Variants in TTC23L observed in about 807,000 individuals in gnomAD.
TTC23L encodes the protein tetratricopeptide repeat domain 23 like, also known as tetratricopeptide repeat protein 23-like.
Under a neutral mutation model 48.1 loss-of-function variants are expected in TTC23L, and 42 were observed. The ratio of observed to expected loss-of-function variants is 0.87; its 90% confidence interval spans 0.68 to 1.13. The LOEUF (loss-of-function observed/expected upper bound fraction) is 1.13. Ranked by LOEUF, TTC23L falls within the 50% of genes most tolerant of loss-of-function variation. The pLI is 0.00. For synonymous variants in TTC23L, 159 were observed against 157.2 expected, an observed-to-expected ratio of 1.01 and a Z score of -0.09; for missense variants, 391 against 421.0, an observed-to-expected ratio of 0.93 and a Z score of 0.62.
At chr5:34,868,363 T>A (rs1761211778) in intron 7 of TTC23L, 1 of 153,262 alleles carries the variant, frequency 6.5e-6, no homozygotes, top group Non-Finnish European at 1.5e-5. Flanking sequence ...GTGGACTCAA[T>A]GTTTTTCTCT....
At chr5:34,906,136 G>A in the TTC23L span, 1 of 151,788 alleles carries the variant, frequency 6.6e-6, no homozygotes, top group Non-Finnish European at 1.5e-5. Flanking sequence ...TGTATTTTTA[G>A]TAGAGGTAGG....
chr5:34,868,735 AC>A, intron 7 of TTC23L, 169 bp from the exon 8 acceptor site: 1 of 600,810 alleles, frequency 1.7e-6, no homozygotes, highest in South Asian at 1.8e-5. Context: ...TCCTTCCCAA[AC>A]CCTAATCAGT....
chr5:34,920,112 A>G, the TTC23L span: 2 of 338,460 alleles, frequency 5.9e-6, no homozygotes, highest in Non-Finnish European at 1.1e-5. Flanking sequence ...CCTCAGGAGA[A>G]GGATTATGTC....
At chr5:34,880,696 T>C in intron 9 of TTC23L, 4 of 383,344 alleles carry the variant, frequency 1.0e-5, no homozygotes, top group Non-Finnish European at 2.0e-5. Context: ...TGTAGTGCAG[T>C]GGGGCGATCT....
chr5:34,840,587 A>G, intron 1 of TTC23L, 78 bp from the exon 2 acceptor site: 1 of 1,266,374 alleles, frequency 7.9e-7, no homozygotes, highest in Non-Finnish European at 1.2e-6. Context: ...GTTTAATGTT[A>G]ATAGCAAACC....
At chr5:34,914,490 AT>A in the TTC23L span, 1 of 585,530 alleles carries the variant, frequency 1.7e-6, no homozygotes, top group Non-Finnish European at 3.0e-6. Context: ...TGGGAAAAGA[AT>A]TTGTTACCGG....
At chr5:34,908,809 A>G in the TTC23L span, 1 of 1,611,476 alleles carries the variant, frequency 6.2e-7, no homozygotes, top group Admixed American at 1.7e-5. Context: ...CAGCAGTAAT[A>G]TTCCACAAAA....
chr5:34,890,960 T>A lies in TTC23L; in HGVS notation c.1078-5810T>A, dbSNP rs529573639. 5.6e-4 allele frequency among the ~76,000 whole-genome samples: 86 copies of A among 152,314 alleles called. 1 individual carries two copies. The highest frequency in any genetic ancestry group is 8.8e-4 in the Non-Finnish European group (60 of 68,034). ...AGCTCTCTGACCTAGGTGAAGTGAC[T>A]TAACTCCCTCAGCCTCTGTTTATTC... On this transcript the variant is annotated intron_variant, in intron 9 of 10. Coordinates refer to ENST00000505624, the Ensembl canonical transcript of TTC23L.
chr5:34,842,256 T>G (rs539679822), intron 2 of TTC23L, among the ~76,000 whole-genome samples: 1 of 152,344 alleles, frequency 6.6e-6, no homozygotes, highest in African/African-American at 2.4e-5. Context: ...ATACAGCACA[T>G]ATTTTACATT....
At chr5:34,859,814 T>TTTTTC (rs371028175) in intron 4 of TTC23L, among the ~76,000 whole-genome samples, 2 of 150,764 alleles carry the variant, frequency 1.3e-5, no homozygotes, top group African/African-American at 4.9e-5. Context: ...GTTTTTCTTT[T>TTTTTC]TTTTCTTTTC....
At chr5:34,846,864 A>G (rs1759243827) in intron 3 of TTC23L, among the ~76,000 whole-genome samples, 1 of 152,022 alleles carries the variant, frequency 6.6e-6, no homozygotes, top group South Asian at 2.1e-4. Context: ...ATCATAAACA[A>G]ACCAAAGGGC....
At chr5:34,901,479 A>G (rs896773862), downstream of TTC23L, among the ~76,000 whole-genome samples, 1 of 152,132 alleles carries the variant, frequency 6.6e-6, no homozygotes, top group Non-Finnish European at 1.5e-5. Context: ...GAAACTGGGG[A>G]CGGCCGGGCA....
At chr5:34,839,897 A>C (rs367626038) in intron 1 of TTC23L, among the ~76,000 whole-genome samples, 51 of 152,236 alleles carry the variant, frequency 3.4e-4, no homozygotes, top group African/African-American at 1.2e-3. Context: ...CAGACACATG[A>C]ATTTCATTTT....
chr5:34,923,274 T>C, the TTC23L span: 1 of 1,396,832 alleles, frequency 7.2e-7, no homozygotes, highest in Admixed American at 1.7e-5. Flanking sequence ...TTTTTTTTAA[T>C]TGAGTTTATT....
chr5:34,868,455 G>C (rs1761218700), intron 7 of TTC23L: 1 of 155,436 alleles, frequency 6.4e-6, no homozygotes, highest in African/African-American at 2.4e-5. Context: ...ACTATATGCT[G>C]GGTGGTGTTC....
At chr5:34,848,840 A>T (rs1202771826) in intron 3 of TTC23L, among the ~76,000 whole-genome samples, 2 of 152,190 alleles carry the variant, frequency 1.3e-5, no homozygotes, top group African/African-American at 4.8e-5. Context: ...AGAGCCTTGG[A>T]AGCCATGGTG....
chr5:34,842,938 G>C lies in TTC23L; in HGVS notation c.68+2199G>C, dbSNP rs1267919905. On this transcript the variant is annotated intron_variant, in intron 2 of 10. Transcript: ENST00000505624. ...CCTCCTAGGTTCAAGCCATTCTCAT[G>C]CCTCAGCCTCCTGAGTAGCTGGGAT... 3.0e-4 allele frequency among the ~76,000 whole-genome samples: 46 copies of C among 152,102 alleles called. 1 individual carries two copies. The highest frequency in any genetic ancestry group is 4.4e-5 in the Non-Finnish European group (3 of 68,018).
chr5:34,861,925 C>T (rs1348932021), intron 4 of TTC23L, among the ~76,000 whole-genome samples: 2 of 152,058 alleles, frequency 1.3e-5, no homozygotes, highest in Non-Finnish European at 2.9e-5. Flanking sequence ...TGAGTAAGTG[C>T]CCAGGAACAC....
intron 8 of TTC23L, among the ~76,000 whole-genome samples, chr5:34,873,697 G>C (rs1469607861): frequency 6.6e-6 from 1 of 152,116 alleles, no homozygotes; most frequent in Admixed American, 6.5e-5. Context: ...CCACAGAAGG[G>C]CTAAATGAGC....
Sources: gnomAD v4.1 joint callset for allele counts (sites outside exome capture counted in the v4.1 genomes callset) on GRCh38, gnomAD v4.1.1 for gene constraint, MANE v1.5 for transcripts, NCBI Gene and HGNC (gene_info 2026-07-23, HGNC 2026-07-21) for gene names.